The following GPC5 variants were observed in gnomAD, a reference collection of about 807,000 sequenced individuals.
The protein encoded by GPC5 is glypican 5.
A neutral mutation model predicts 53.9 loss-of-function variants in GPC5; 47 were observed. The ratio of observed to expected loss-of-function variants is 0.87; its 90% CI spans 0.69 to 1.11. The LOEUF is 1.11. Among genes scored for constraint, GPC5 ranks in the 50% most tolerant of loss-of-function variants. GPC5 has a pLI of 0.00. For missense variants in GPC5, 748 were observed against 713.1 expected (o/e 1.05, Z -0.56); for synonymous variants, 286 against 263.3 (o/e 1.09, Z -0.84).
chr13:92,736,582 C>T (rs1888941682), intron 7 of GPC5, among the ~76,000 whole-genome samples: 1 of 151,760 alleles, frequency 6.6e-6, no homozygotes, highest in Non-Finnish European at 1.5e-5. Flanking sequence ...ACAAGCTGTC[C>T]CTGAGCACTC....
rs189015782 is a variant in GPC5, at chr13:92,012,693, A to G, written c.1401+104636A>G. Among the ~76,000 whole-genome samples, 5 of 152,340 alleles carry G rather than the reference A, an allele frequency of 3.3e-5. No homozygotes were observed. The East Asian group carries it at 9.6e-4, about 29-fold the overall frequency. ...TGGATCACTGGATTCCAATCTATGA[A>G]TTGGTCACAGAGTAATAATACTTAT... is the stretch of plus-strand genomic sequence containing the variant. On this transcript the variant is annotated intron_variant, in intron 6 of 7. Transcript: ENST00000377067.
intron 2 of GPC5, among the ~76,000 whole-genome samples, chr13:91,542,394 T>G (rs981444001): frequency 5.9e-5 from 9 of 152,318 alleles, no homozygotes; most frequent in Middle Eastern, 6.8e-3. Context: ...GCTCATAAAG[T>G]CTGTTCTGTC....
chr13:91,484,768 C>G (rs1883496393), intron 2 of GPC5, among the ~76,000 whole-genome samples: 1 of 152,144 alleles, frequency 6.6e-6, no homozygotes. Flanking sequence ...TTCCTCCCCT[C>G]AAAGAAAGCC....
At chr13:91,762,834 T>C (rs2037443207) in intron 5 of GPC5, among the ~76,000 whole-genome samples, 1 of 152,186 alleles carries the variant, frequency 6.6e-6, no homozygotes, top group Non-Finnish European at 1.5e-5. Flanking sequence ...CAACTGTATA[T>C]GCAGCTTTGC....
chr13:92,354,838 T>G (rs2043509153), intron 7 of GPC5, among the ~76,000 whole-genome samples: 1 of 152,052 alleles, frequency 6.6e-6, no homozygotes, highest in East Asian at 1.9e-4. Flanking sequence ...AGAGTGCCAG[T>G]GAACATTTTC....
chr13:92,359,372 C>A (rs1434753061), intron 7 of GPC5, among the ~76,000 whole-genome samples: 2 of 151,614 alleles, frequency 1.3e-5, no homozygotes, highest in South Asian at 2.1e-4. Context: ...TTGGTCACAA[C>A]AATTTAACAA....
Position 92,829,734 on chromosome 13 carries a change from G to A in GPC5, c.1562-36548G>A, listed in dbSNP as rs113032537. 3.8e-3 allele frequency among the ~76,000 whole-genome samples: 571 copies of A among 152,134 alleles called. 3 individuals carry two copies. The highest frequency in any genetic ancestry group is 0.01 in the Middle Eastern group (3 of 294). ...ATTTTAGGGCTTTAAATTCTAAATG[G>A]ATAACTCACAGCTGTCTATCAATCA... On this transcript the variant is annotated intron_variant, in intron 7 of 7. Coordinates refer to ENST00000377067, the MANE Select transcript of GPC5 (RefSeq NM_004466.6).
chr13:92,471,695 C>T (rs953261279), intron 7 of GPC5, among the ~76,000 whole-genome samples: 9 of 151,964 alleles, frequency 5.9e-5, no homozygotes, highest in African/African-American at 1.7e-4. Context: ...GAGTTGCAGG[C>T]GCTAACGAGT....
chr13:92,657,579 GTTT>G (rs67038073), intron 7 of GPC5, among the ~76,000 whole-genome samples: 5 of 106,728 alleles, frequency 4.7e-5, no homozygotes, highest in East Asian at 3.3e-4. Flanking sequence ...AGGTTTTTTG[GTTT>G]TTTTTTTTTT....
At chr13:91,432,060 G>C (rs1257184561) in intron 1 of GPC5, among the ~76,000 whole-genome samples, 1 of 152,120 alleles carries the variant, frequency 6.6e-6, no homozygotes, top group Admixed American at 6.6e-5. Context: ...GTGGGTTGTT[G>C]GTTATTGAGA....
At chr13:92,166,973 CACACACACACACACACACACACAT>C (rs2042035861) in intron 7 of GPC5, among the ~76,000 whole-genome samples, 10 of 151,300 alleles carry the variant, frequency 6.6e-5, no homozygotes, top group African/African-American at 2.4e-4. Flanking sequence ...CACACACACA[CACACACACACACACACACACACAT>C]ATACACACGC....
chr13:91,899,501 C>A (rs2039475831), intron 5 of GPC5, among the ~76,000 whole-genome samples: 1 of 152,024 alleles, frequency 6.6e-6, no homozygotes, highest in Non-Finnish European at 1.5e-5. Context: ...TGTTTTCATT[C>A]AGGTAGTTTC....
chr13:92,283,963 T>C (rs1209647163), intron 7 of GPC5, among the ~76,000 whole-genome samples: 7 of 152,150 alleles, frequency 4.6e-5, no homozygotes, highest in African/African-American at 1.7e-4. Context: ...TCTGGTTTTT[T>C]GAAAAGATCA....
intron 7 of GPC5, among the ~76,000 whole-genome samples, chr13:92,523,326 A>G (rs1451240246): frequency 1.3e-5 from 2 of 152,152 alleles, no homozygotes; most frequent in Non-Finnish European, 1.5e-5. Flanking sequence ...TTTCTCAGTC[A>G]TATGCTGTTT....
intron 6 of GPC5, among the ~76,000 whole-genome samples, chr13:91,998,483 C>A (rs533343434): frequency 6.6e-6 from 1 of 152,168 alleles, no homozygotes; most frequent in East Asian, 1.9e-4. Context: ...TAAGGCTTTC[C>A]AATCCATAAA....
chr13:92,631,081 C>T (rs1885219855), intron 7 of GPC5, among the ~76,000 whole-genome samples: 1 of 151,984 alleles, frequency 6.6e-6, no homozygotes, highest in Non-Finnish European at 1.5e-5. Flanking sequence ...ATATCATATA[C>T]TATCTGTGAG....
chr13:92,162,731 C>A (rs1349152827), intron 7 of GPC5, among the ~76,000 whole-genome samples: 1 of 152,110 alleles, frequency 6.6e-6, no homozygotes, highest in African/African-American at 2.4e-5. Flanking sequence ...ATTACAGTGT[C>A]AAGAATGTAT....
chr13:91,592,994 G>C (rs762621894), intron 2 of GPC5, among the ~76,000 whole-genome samples: 2 of 152,198 alleles, frequency 1.3e-5, no homozygotes, highest in Non-Finnish European at 1.5e-5. Context: ...TCCTGGAGCT[G>C]TGCTGTTCAC....
At chr13:92,495,779 C>T (rs1879955518) in intron 7 of GPC5, among the ~76,000 whole-genome samples, 1 of 151,984 alleles carries the variant, frequency 6.6e-6, no homozygotes, top group Non-Finnish European at 1.5e-5. Flanking sequence ...TTAAAAGTGT[C>T]TTCACATTAT....
Sources: allele counts gnomAD v4.1 joint callset (sites outside exome capture counted in the v4.1 genomes callset), GRCh38; gene constraint gnomAD v4.1.1; transcripts MANE v1.5; gene names NCBI Gene and HGNC (gene_info 2026-07-23, HGNC 2026-07-21).